Variants in CDH9 observed in about 807,000 individuals in gnomAD.
The protein encoded by CDH9 is cadherin-9.
In CDH9, 28 loss-of-function variants were observed where a neutral mutation model predicts 70.9. The observed-to-expected ratio is 0.40, with a 90% CI of 0.29 to 0.54. The LOEUF (loss-of-function observed/expected upper bound fraction) is 0.54, where lower values mean the gene tolerates loss of function less well. CDH9 is among the 20% of genes least tolerant of loss of function. The pLI, the probability that CDH9 is intolerant of heterozygous loss-of-function variation, is 0.59. For synonymous variants in CDH9, 409 were observed against 343.1 expected (o/e 1.19, Z -2.12); for missense variants, 874 against 984.4 (o/e 0.89, Z 1.50).
chr5:26,984,435 G>T (rs567874188), intron 2 of CDH9, among the ~76,000 whole-genome samples: 2 of 152,032 alleles, frequency 1.3e-5, no homozygotes, highest in Non-Finnish European at 2.9e-5. Context: ...CTGGGTATTG[G>T]GTTTCTCTTC....
rs1278800136 is a variant in CDH9 at position 26,939,003 on chromosome 5, T to C, written c.229-23079A>G. On this transcript the variant is annotated intron_variant, in intron 2 of 11. Coordinates refer to ENST00000231021, the MANE Select transcript of CDH9 (RefSeq NM_016279.4). ...GTAACAACAACAATTTAAAATATTG[T>C]GTGAAATTACAATAAATTTGTAGGA... 2.6e-5 allele frequency among the ~76,000 whole-genome samples: 4 copies of C among 152,160 alleles called. No individual in the cohort carries two copies. In the South Asian group the frequency reaches 8.3e-4, roughly 32 times the overall value.
chr5:26,943,824 C>T (rs1741702436), intron 2 of CDH9, among the ~76,000 whole-genome samples: 1 of 152,092 alleles, frequency 6.6e-6, no homozygotes, highest in Non-Finnish European at 1.5e-5. Flanking sequence ...TTAAGTAATG[C>T]TAATTACATC....
chr5:27,032,460 G>A (rs1743324546), intron 1 of CDH9, among the ~76,000 whole-genome samples: 2 of 151,558 alleles, frequency 1.3e-5, no homozygotes, highest in Admixed American at 6.6e-5. Flanking sequence ...GCTAGTGTAT[G>A]AAAAAGCTGA....
At chr5:26,985,144 G>A (rs143695498) in intron 2 of CDH9, among the ~76,000 whole-genome samples, 1 of 152,226 alleles carries the variant, frequency 6.6e-6, no homozygotes, top group East Asian at 1.9e-4. Flanking sequence ...ACCTTTCACA[G>A]TGAAGGTCTA....
chr5:27,033,493 C>A (rs941318348), intron 1 of CDH9, among the ~76,000 whole-genome samples: 1 of 151,290 alleles, frequency 6.6e-6, no homozygotes, highest in Non-Finnish European at 1.5e-5. Context: ...GACAGACAGA[C>A]AGACAGACAG....
intron 4 of CDH9, 142 bp from the exon 5 acceptor site, chr5:26,906,268 C>G (rs1561190341): frequency 4.6e-6 from 3 of 657,248 alleles, no homozygotes; most frequent in Non-Finnish European, 7.6e-6. Flanking sequence ...TCCATAACCA[C>G]TTTAAGATAA....
At chr5:26,923,496 G>C (rs1579453437) in intron 2 of CDH9, among the ~76,000 whole-genome samples, 1 of 151,966 alleles carries the variant, frequency 6.6e-6, no homozygotes. Context: ...ACACACCACT[G>C]TCAGCATTGG....
intron 1 of CDH9, among the ~76,000 whole-genome samples, chr5:27,017,372 T>G (rs1483916262): frequency 4.6e-5 from 7 of 152,026 alleles, no homozygotes; most frequent in Non-Finnish European, 1.0e-4. Context: ...CTCAAGGGAA[T>G]TTTTAAAAAA....
At chr5:27,007,447 CTT>C (rs916048982) in intron 1 of CDH9, among the ~76,000 whole-genome samples, 13 of 151,884 alleles carry the variant, frequency 8.6e-5, no homozygotes, top group Non-Finnish European at 1.3e-4. Context: ...TTTATAATAA[CTT>C]ATTATAAAAG....
intron 2 of CDH9, among the ~76,000 whole-genome samples, chr5:26,963,194 C>T (rs1387467834): frequency 1.3e-5 from 2 of 152,080 alleles, no homozygotes; most frequent in African/African-American, 4.8e-5. Flanking sequence ...GACCTTTGCC[C>T]TTTTAGAGAA....
intron 1 of CDH9, among the ~76,000 whole-genome samples, chr5:26,993,751 G>A (rs1382130261): frequency 7.4e-6 from 1 of 134,596 alleles, no homozygotes; most frequent in Non-Finnish European, 1.6e-5. Context: ...AGAGAAGAAT[G>A]ACTCGAAAGA....
chr5:26,891,314 T>A (rs1740655904), intron 7 of CDH9, among the ~76,000 whole-genome samples: 1 of 152,214 alleles, frequency 6.6e-6, no homozygotes, highest in Non-Finnish European at 1.5e-5. Context: ...TGATTAAGGT[T>A]AAAACACTGA....
rs1740457887 is a variant in CDH9 at position 26,881,308 on chromosome 5, T to A, written c.2198A>T (p.Asp733Val). Residue 733 changes from aspartate to valine, a missense_variant, in exon 12 of 12, where the codon GAT becomes GTT. Coordinates refer to ENST00000231021, the MANE Select transcript of CDH9 (RefSeq NM_016279.4). ...NDADPSAPPY[D>V]SLATYAYEGN... ...TTCATAGGCATACGTTGCCAGCGAA[T>A]CATATGGAGGTGCACTTGGGTCTGC... is the stretch of plus-strand genomic sequence containing the variant. The A allele has an allele frequency of 6.2e-7, 1 of 1,612,932 alleles. No homozygotes were observed. Among genetic ancestry groups the A allele is most frequent in the African/African-American group, 1.3e-5 (1 of 74,884 alleles).
At chr5:26,950,599 A>C (rs1741828289) in intron 2 of CDH9, among the ~76,000 whole-genome samples, 1 of 152,184 alleles carries the variant, frequency 6.6e-6, no homozygotes, top group Non-Finnish European at 1.5e-5. Context: ...TGCATCAGTG[A>C]CGATTTTTAA....
At chr5:26,967,708 C>A (rs1742152480) in intron 2 of CDH9, among the ~76,000 whole-genome samples, 1 of 150,608 alleles carries the variant, frequency 6.6e-6, no homozygotes, top group African/African-American at 2.4e-5. Flanking sequence ...TTTTTTACAC[C>A]TTTTTTTTTC....
At chr5:27,029,979 G>A (rs1390856921) in intron 1 of CDH9, among the ~76,000 whole-genome samples, 1 of 151,938 alleles carries the variant, frequency 6.6e-6, no homozygotes, top group Admixed American at 6.6e-5. Context: ...AAAACATTTT[G>A]CCACTTTGTC....
At position 26,881,095 on chromosome 5, in the gene CDH9, G is replaced by C. The variant is rs981514451; in HGVS notation, c.*41C>G. ...GCAGGCCACTCAATCTAATAACATA[G>C]ACAGTACTTCCACTAATATTGATTA... On this transcript the variant is annotated 3_prime_UTR_variant, in exon 12 of 12. Transcript: ENST00000231021. 3.3e-6 allele frequency: 5 copies of C among 1,528,508 alleles called. No homozygotes were observed. In the African/African-American group the frequency reaches 5.5e-5, roughly 17 times the overall value. The allele number at this position is 1,528,508 out of a possible 1,614,324, so 94.7% of individuals were successfully genotyped here.
chr5:26,886,619 A>G (rs1332483771), intron 9 of CDH9, among the ~76,000 whole-genome samples: 1 of 152,286 alleles, frequency 6.6e-6, no homozygotes, highest in African/African-American at 2.4e-5. Context: ...TATGGACACC[A>G]TTACTATAAT....
intron 2 of CDH9, among the ~76,000 whole-genome samples, chr5:26,961,742 CATATTTATTAT>C (rs1351046896): frequency 2.6e-5 from 4 of 152,116 alleles, no homozygotes; most frequent in Non-Finnish European, 5.9e-5. Flanking sequence ...TGTAGGAGAT[CATATTTATTAT>C]ATGAAAGACT....
Sources: allele counts gnomAD v4.1 joint callset (sites outside exome capture counted in the v4.1 genomes callset), GRCh38; gene constraint gnomAD v4.1.1; transcripts MANE v1.5; gene names NCBI Gene and HGNC (gene_info 2026-07-23, HGNC 2026-07-21).